TAFA2: variants seen among roughly 807,000 people sequenced by gnomAD.
TAFA2 encodes TAFA chemokine like family member 2, also known as chemokine-like protein TAFA-2.
Under a neutral mutation model 18.8 loss-of-function variants are expected in TAFA2, and 7 were observed. That is an observed-to-expected ratio of 0.37 (90% CI 0.21 to 0.70). The LOEUF (loss-of-function observed/expected upper bound fraction) is 0.70, where lower values mean the gene tolerates loss of function less well. TAFA2 is among the 30% of genes least tolerant of loss of function. TAFA2 has a pLI of 0.53. For missense variants in TAFA2, 122 were observed against 158.1 expected (o/e 0.77, Z 1.23); for synonymous variants, 60 against 54.2 (o/e 1.11, Z -0.47).
In TAFA2 at chr12:62,247,530, A is replaced by C. The variant is rs182135051; in HGVS notation, c.-130+11233T>G. 4.9e-3 allele frequency among the ~76,000 whole-genome samples: 752 copies of C among 152,298 alleles called. 4 individuals are homozygous for C. Among genetic ancestry groups the C allele is most frequent in the Non-Finnish European group, 7.6e-3 (517 of 68,024 alleles). On this transcript the variant is annotated intron_variant, in intron 1 of 5. Coordinates refer to the TAFA2 transcript ENST00000551619. ...TGCATTACAACTCATGTCATGTTCAAAGTACAAAACCGCATTTTTTTACTT... is the reference window on the plus strand; with the variant it reads ...TGCATTACAACTCATGTCATGTTCACAGTACAAAACCGCATTTTTTTACTT...
At chr12:62,181,570 C>T (rs1055612455) in intron 1 of TAFA2, among the ~76,000 whole-genome samples, 1 of 152,192 alleles carries the variant, frequency 6.6e-6, no homozygotes, top group Non-Finnish European at 1.5e-5. Flanking sequence ...AAACAAATTG[C>T]TTCACTCCCT....
At chr12:62,253,435 G>A (rs1321993915) in intron 1 of TAFA2, 1 of 152,162 alleles carries the variant, frequency 6.6e-6, no homozygotes. Flanking sequence ...CTTAGTGACT[G>A]AGACAACAGA....
At chr12:61,754,187 A>G (rs530504399) in intron 3 of TAFA2, among the ~76,000 whole-genome samples, 3 of 152,128 alleles carry the variant, frequency 2.0e-5, no homozygotes, top group South Asian at 2.1e-4. Flanking sequence ...TAATCAATAT[A>G]ATATTCCCAT....
At chr12:62,014,589 G>C (rs753989929) in intron 1 of TAFA2, among the ~76,000 whole-genome samples, 1 of 152,122 alleles carries the variant, frequency 6.6e-6, no homozygotes, top group Non-Finnish European at 1.5e-5. Flanking sequence ...CAGAGATGGC[G>C]CCACTGCACT....
chr12:61,735,428 T>A (rs1868288792), intron 4 of TAFA2, among the ~76,000 whole-genome samples: 1 of 152,096 alleles, frequency 6.6e-6, no homozygotes, highest in African/African-American at 2.4e-5. Flanking sequence ...TACATATTTA[T>A]GTGATACAGT....
chr12:61,766,518 C>T (rs1027760284), intron 2 of TAFA2, among the ~76,000 whole-genome samples: 2 of 152,090 alleles, frequency 1.3e-5, no homozygotes, highest in African/African-American at 4.8e-5. Context: ...GTTAGGTAGA[C>T]TGAACCATTC....
At chr12:61,800,871 TAA>T (rs1452366093) in intron 2 of TAFA2, among the ~76,000 whole-genome samples, 3 of 152,192 alleles carry the variant, frequency 2.0e-5, no homozygotes, top group African/African-American at 7.2e-5. Context: ...AGAATATTTA[TAA>T]GTCATAGGAT....
At chr12:62,188,826 A>G (rs2062603199) in intron 1 of TAFA2, among the ~76,000 whole-genome samples, 1 of 152,152 alleles carries the variant, frequency 6.6e-6, no homozygotes, top group African/African-American at 2.4e-5. Context: ...CCATATCTAA[A>G]AACATATTTT....
chr12:61,897,570 C>G (rs1348695062), intron 1 of TAFA2, among the ~76,000 whole-genome samples: 3 of 112,680 alleles, frequency 2.7e-5, no homozygotes, highest in Non-Finnish European at 5.3e-5. Flanking sequence ...GAAGGAGGAA[C>G]TGTCCAACAC....
chr12:61,813,562 A>C (rs1452052342), intron 2 of TAFA2, among the ~76,000 whole-genome samples: 3 of 151,366 alleles, frequency 2.0e-5, no homozygotes, highest in African/African-American at 7.4e-5. Flanking sequence ...AGTATGGTGA[A>C]TATTAGCCTG....
intron 1 of TAFA2, among the ~76,000 whole-genome samples, chr12:62,078,416 GAAAAA>G (rs71450573): frequency 7.0e-6 from 1 of 143,488 alleles, no homozygotes; most frequent in Non-Finnish European, 1.5e-5. Flanking sequence ...AGTATAATTG[GAAAAA>G]AAAAAAAAAG....
intron 1 of TAFA2, chr12:62,135,953 A>G (rs1565756459): frequency 6.6e-6 from 1 of 152,016 alleles, no homozygotes; most frequent in Non-Finnish European, 1.5e-5. Context: ...CCTGCTCCCC[A>G]TGTGTCTCAG....
intron 1 of TAFA2, among the ~76,000 whole-genome samples, chr12:61,932,208 A>G (rs1877585011): frequency 6.6e-6 from 1 of 152,338 alleles, no homozygotes; most frequent in South Asian, 2.1e-4. Flanking sequence ...CCAAAACGTC[A>G]CCACAAATGC....
At chr12:62,068,273 A>G (rs76252801) in intron 1 of TAFA2, among the ~76,000 whole-genome samples, 3 of 152,094 alleles carry the variant, frequency 2.0e-5, no homozygotes, top group African/African-American at 7.2e-5. Flanking sequence ...AATCTTCAAG[A>G]AAGTTTAAAC....
chr12:62,148,858 A>T (rs2062305991), intron 1 of TAFA2, among the ~76,000 whole-genome samples: 1 of 152,226 alleles, frequency 6.6e-6, no homozygotes, highest in African/African-American at 2.4e-5. Context: ...TCCAATTAAA[A>T]AATAATACAT....
In TAFA2 at chr12:61,744,464, C is replaced by T. The variant is rs1868604636; in HGVS notation, c.384+9158G>A. Among the ~76,000 whole-genome samples, 6 of 152,190 alleles carry T rather than the reference C, an allele frequency of 3.9e-5. No individual in the cohort carries two copies. In the South Asian group the frequency reaches 1.0e-3, roughly 26 times the overall value. ...ATTTTTTTGCATTATTTTTCAATAA[C>T]TCTTTAAACAAATACCAAGGTAGAC... On this transcript the variant is annotated intron_variant, in intron 4 of 4. Coordinates refer to ENST00000416284, the MANE Select transcript of TAFA2 (RefSeq NM_178539.5).
chr12:62,198,695 A>T lies in TAFA2; in HGVS notation c.-130+60068T>A, dbSNP rs372625131. Among the ~76,000 whole-genome samples the T allele has an allele frequency of 5.3e-5, 8 of 152,202 alleles. No individual in the cohort carries two copies. In the East Asian group the frequency reaches 1.5e-3, roughly 29 times the overall value. The stretch of plus-strand genomic sequence containing the variant: ...AAATGTTTTTTAAAAACATTTACAG[A>T]ATATTTTCATGTAATCAAGTGAATG... On this transcript the variant is annotated intron_variant, in intron 1 of 5. Coordinates refer to the TAFA2 transcript ENST00000551619.
intron 1 of TAFA2, among the ~76,000 whole-genome samples, chr12:61,935,080 T>G (rs1446088067): frequency 6.6e-6 from 1 of 152,138 alleles, no homozygotes; most frequent in Admixed American, 6.5e-5. Context: ...TGAATCAGGA[T>G]GAGAAAAAGA....
intron 4 of TAFA2, among the ~76,000 whole-genome samples, chr12:61,733,399 G>C (rs1483427711): frequency 3.9e-5 from 6 of 152,030 alleles, no homozygotes; most frequent in Non-Finnish European, 8.8e-5. Context: ...GGTTTTTATG[G>C]TTTTAGGTCT....
Sources: allele counts gnomAD v4.1 joint callset (sites outside exome capture counted in the v4.1 genomes callset), GRCh38; gene constraint gnomAD v4.1.1; transcripts MANE v1.5; gene names NCBI Gene and HGNC (gene_info 2026-07-23, HGNC 2026-07-21).